The following GIMD1 variants were observed in gnomAD, a reference collection of about 807,000 sequenced individuals.
GIMD1 encodes GTPase IMAP family member GIMD1.
A neutral mutation model predicts 14.9 loss-of-function variants in GIMD1; 14 were observed. The ratio of observed to expected loss-of-function variants is 0.94; its 90% confidence interval spans 0.62 to 1.47. The LOEUF (loss-of-function observed/expected upper bound fraction) is 1.47. GIMD1 is among the 40% of genes most tolerant of loss of function. The pLI, the probability that GIMD1 is intolerant of heterozygous loss-of-function variation, is 0.00. For synonymous variants in GIMD1, 91 were observed against 90.5 expected, an observed-to-expected ratio of 1.01 and a Z score of -0.03; for missense variants, 272 against 255.3, an observed-to-expected ratio of 1.07 and a Z score of -0.44.
chr4:106,358,531 C>A lies in GIMD1; in HGVS notation c.394-88G>T, dbSNP rs1162495713. 11 of 905,282 alleles carry A rather than the reference C, an allele frequency of 1.2e-5. No homozygotes were observed. The Admixed American group carries it at 3.7e-4, about 31-fold the overall frequency. The allele number at this position is 905,282 out of a possible 1,614,324, so 56.1% of individuals were successfully genotyped here. On this transcript the variant is annotated intron_variant, in intron 2 of 2. Transcript: ENST00000638719. Reference sequence around the variant, plus strand: ...ATTTATTACGGTCCAATATAGATAGCCAGCAGATCCATATTATTATGTTTC... The same window carrying A: ...ATTTATTACGGTCCAATATAGATAGACAGCAGATCCATATTATTATGTTTC...
At chr4:106,368,592 A>T in intron 1 of GIMD1, 118 bp downstream of exon 1, 1 of 392,650 alleles carries the variant, frequency 2.5e-6, no homozygotes, top group Non-Finnish European at 4.5e-6. Context: ...CTCCCAGCTC[A>T]TTCAGTGGTG....
In GIMD1 at chr4:106,366,926, ATT is replaced by A; in HGVS notation, c.393+115_393+116del. On this transcript the variant is annotated intron_variant, in intron 2 of 2. Transcript: ENST00000638719. The stretch of plus-strand genomic sequence containing the variant: ...AGTTGTATAAATTATTATGTACTAT[ATT>A]ATTATATACTAATAGTATAATAATA... 9.4e-6 allele frequency: 3 copies of A among 318,980 alleles called. 1 individual carries two copies. The highest frequency in any genetic ancestry group is 1.5e-5 in the Non-Finnish European group (3 of 196,938). 19.8% of individuals were successfully genotyped at this position (318,980 alleles called of 1,614,324 possible).
Position 106,367,363 on chromosome 4 carries a change from C to G in GIMD1, c.73G>C (p.Gly25Arg). Residue 25 changes from glycine to arginine, a missense_variant, in exon 2 of 3, where the codon GGA becomes CGA. Transcript: ENST00000638719. ...TCTGTGCTTCCCAGCAGAATGTTTC[C>G]AGCAGAACTTTTTCCACTCTGAGTC... ...GMTQSGKSSA[G>R]NILLGSTDFH... 1 of 1,535,972 alleles carries G rather than the reference C, an allele frequency of 6.5e-7. No homozygotes were observed. The highest frequency in any genetic ancestry group is 8.7e-7 in the Non-Finnish European group (1 of 1,146,820).
Position 106,367,432 on chromosome 4 carries a change from T to A in GIMD1, c.4A>T (p.Thr2Ser). 3 of 1,527,274 alleles carry A rather than the reference T, an allele frequency of 2.0e-6. No homozygotes were observed. The highest frequency in any genetic ancestry group is 2.6e-6 in the Non-Finnish European group (3 of 1,140,980). 94.6% of individuals were successfully genotyped at this position (1,527,274 alleles called of 1,614,324 possible). Residue 2 changes from threonine (T) to serine (S), a missense_variant, in exon 2 of 3, where the codon ACA (threonine) becomes TCA (serine). Physicochemically the swap from Thr to Ser is moderately conservative, Grantham distance 58. Coordinates refer to ENST00000638719, the MANE Select transcript of GIMD1 (RefSeq NM_001195138.2). M[T>S]DPNKMIINLA... ...TTGATGATCATCTTGTTGGGGTCTG[T>A]CATGGCTGTAGGAAAACAAAGGCAT...
intron 2 of GIMD1, among the ~76,000 whole-genome samples, chr4:106,360,771 A>C (rs1770601481): frequency 6.6e-6 from 1 of 152,060 alleles, no homozygotes; most frequent in Non-Finnish European, 1.5e-5. Context: ...GCGTACGTGA[A>C]GATAGCCATC....
chr4:106,367,507 T>C (rs1770723189), intron 1 of GIMD1, 70 bp from the exon 2 acceptor site: 6 of 1,386,994 alleles, frequency 4.3e-6, no homozygotes, highest in Non-Finnish European at 4.8e-6. Flanking sequence ...TTTTCTTACC[T>C]GGCCTGGTTG....
intron 2 of GIMD1, among the ~76,000 whole-genome samples, chr4:106,361,560 T>C (rs17275217): frequency 0.13 from 19,624 of 152,102 alleles, 1,592 homozygotes; most frequent in South Asian, 0.24. Context: ...ATCACTCTTA[T>C]CTCTGAAAGA....
At chr4:106,363,509 G>T (rs1770645552) in intron 2 of GIMD1, among the ~76,000 whole-genome samples, 1 of 152,018 alleles carries the variant, frequency 6.6e-6, no homozygotes. Flanking sequence ...AACAATACTA[G>T]TAATACTTTA....
chr4:106,358,428 C>A lies in GIMD1; in HGVS notation c.409G>T (p.Ala137Ser). ...AGAATGGCTGTGTAATTCATCCAAG[C>A]ATGTCCAAGAAGTTCCTGAAAGAGA... ...VQMIQELLGH[A>S]WMNYTAILFT... is the part of the protein sequence containing the mutation. The change falls in exon 3 of 3, where the codon GCT (alanine) becomes TCT (serine). Residue 137 changes from alanine to serine, a missense_variant. Coordinates refer to ENST00000638719, the MANE Select transcript of GIMD1 (RefSeq NM_001195138.2). The A allele has an allele frequency of 6.6e-7, 1 of 1,514,252 alleles. No individual in the cohort carries two copies. Among genetic ancestry groups the A allele is most frequent in the East Asian group, 2.5e-5 (1 of 40,764 alleles). The allele number at this position is 1,514,252 out of a possible 1,614,324, so 93.8% of individuals were successfully genotyped here.
chr4:106,361,072 A>G (rs993883369), intron 2 of GIMD1, among the ~76,000 whole-genome samples: 3 of 152,070 alleles, frequency 2.0e-5, no homozygotes, highest in African/African-American at 7.2e-5. Flanking sequence ...CTAAAAATGC[A>G]TCAGAACCAT....
chr4:106,358,520 A>G (rs946995728), intron 2 of GIMD1, 77 bp from the exon 3 acceptor site: 1 of 1,069,882 alleles, frequency 9.3e-7, no homozygotes, highest in South Asian at 1.8e-5. Flanking sequence ...ATTACGGTCC[A>G]ATATAGATAG....
intron 1 of GIMD1, among the ~76,000 whole-genome samples, chr4:106,368,051 T>G (rs1009084218): frequency 6.6e-6 from 1 of 152,178 alleles, no homozygotes. Flanking sequence ...TTACCAAATT[T>G]TTTTTTTTAC....
At chr4:106,365,010 G>A (rs1770673588) in intron 2 of GIMD1, among the ~76,000 whole-genome samples, 1 of 141,430 alleles carries the variant, frequency 7.1e-6, no homozygotes, top group African/African-American at 2.7e-5. Flanking sequence ...AGTCAGGGTA[G>A]CTTTTGAAAA....
intron 1 of GIMD1, 138 bp downstream of exon 1, chr4:106,368,572 C>T (rs1171739126): frequency 5.1e-6 from 2 of 391,670 alleles, no homozygotes; most frequent in Admixed American, 4.4e-5. Context: ...CCCTCCAGTT[C>T]ACACCAGCTC....
intron 2 of GIMD1, among the ~76,000 whole-genome samples, chr4:106,366,425 A>C (rs1770700136): frequency 6.6e-6 from 1 of 152,180 alleles, no homozygotes; most frequent in Non-Finnish European, 1.5e-5. Context: ...CCAGTAATTA[A>C]GCACTGTTTA....
At chr4:106,366,818 T>C (rs1007173242) in intron 2 of GIMD1, among the ~76,000 whole-genome samples, 4 of 151,834 alleles carry the variant, frequency 2.6e-5, no homozygotes, top group African/African-American at 7.2e-5. Context: ...AAATGACTGA[T>C]TGGGTTCCTC....
At chr4:106,360,583 C>A (rs2125933682) in intron 2 of GIMD1, among the ~76,000 whole-genome samples, 1 of 152,048 alleles carries the variant, frequency 6.6e-6, no homozygotes, top group Middle Eastern at 3.4e-3. Context: ...CCGCCAAACT[C>A]ATGTGTTGAA....
At position 106,368,740 on chromosome 4, in the gene GIMD1, A is replaced by G; in HGVS notation, c.-33T>C. On this transcript the variant is annotated 5_prime_UTR_variant, in exon 1 of 3. Transcript: ENST00000638719. ...CCAGTCTTGAAAATGCTTTCTCCAC[A>G]AAGACGTCTCTCGCCCTGGCACAGT... is the stretch of plus-strand genomic sequence containing the variant. 1 of 398,502 alleles carries G rather than the reference A, an allele frequency of 2.5e-6. No homozygotes were observed. Among genetic ancestry groups the G allele is most frequent in the Middle Eastern group, 6.3e-4 (1 of 1,588 alleles). The allele number at this position is 398,502 out of a possible 1,614,324, so 24.7% of individuals were successfully genotyped here. A position where few individuals can be genotyped will look rare whatever the true frequency, so the allele number is the denominator to read the frequency against.
chr4:106,358,197 G>C lies in GIMD1; in HGVS notation c.640C>G (p.Leu214Val). Residue 214 changes from leucine to valine, a missense_variant, in exon 3 of 3, where the codon CTT becomes GTT. Coordinates refer to ENST00000638719, the MANE Select transcript of GIMD1 (RefSeq NM_001195138.2). ...EFIKENCYQV[L>V]TFK is the part of the protein sequence containing the mutation. The stretch of plus-strand genomic sequence containing the variant: ...TCACCTAAATTTTATTTAAATGTAA[G>C]AACTTGGTAACAGTTCTCTTTTATA... 5.4e-6 allele frequency: 8 copies of C among 1,489,190 alleles called. No individual in the cohort carries two copies. Among genetic ancestry groups the C allele is most frequent in the South Asian group, 3.9e-5 (3 of 76,506 alleles). 92.2% of individuals were successfully genotyped at this position (1,489,190 alleles called of 1,614,324 possible).
Sources: allele counts gnomAD v4.1 joint callset (sites outside exome capture counted in the v4.1 genomes callset), GRCh38; gene constraint gnomAD v4.1.1; transcripts MANE v1.5; gene names NCBI Gene and HGNC (gene_info 2026-07-23, HGNC 2026-07-21).